DENND1A: variants seen among roughly 807,000 people sequenced by gnomAD.
DENND1A encodes the protein DENN domain containing 1A.
Under a neutral mutation model 113.7 loss-of-function variants are expected in DENND1A, and 51 were observed. That is an observed-to-expected ratio of 0.45 (90% CI 0.36 to 0.57). The LOEUF is 0.57. Ranked by LOEUF, DENND1A falls within the 20% of genes least tolerant of loss-of-function variation. The pLI is 0.00. For synonymous variants in DENND1A, 565 were observed against 570.8 expected, an observed-to-expected ratio of 0.99 and a Z score of 0.14; for missense variants, 1,258 against 1,395.9, an observed-to-expected ratio of 0.90 and a Z score of 1.57.
chr9:123,837,558 A>G (rs1841216188), intron 2 of DENND1A, among the ~76,000 whole-genome samples: 1 of 152,188 alleles, frequency 6.6e-6, no homozygotes, highest in Non-Finnish European at 1.5e-5. Context: ...GTATGAATAA[A>G]AACGTTATAC....
Position 123,666,151 on chromosome 9 carries a change from T to C in DENND1A, c.507+875A>G, listed in dbSNP as rs150409102. 4.6e-5 allele frequency among the ~76,000 whole-genome samples: 7 copies of C among 152,312 alleles called. No homozygotes were observed. The East Asian group carries it at 1.2e-3, about 25-fold the overall frequency. On this transcript the variant is annotated intron_variant, in intron 8 of 23. Transcript: ENST00000394215. ...ATTGACTGTACAAAATATGAATGCA[T>C]TCAAAACCACTGAGCTGTACACTTA...
intron 5 of DENND1A, among the ~76,000 whole-genome samples, chr9:123,740,899 TGAGAGAGAGAGAGAGAGAGA>T (rs56006420): frequency 3.7e-5 from 4 of 108,940 alleles, no homozygotes; most frequent in African/African-American, 7.4e-5. Flanking sequence ...GAAGGGAAAG[TGAGAGAGAGAGAGAGAGAGA>T]GAGAGAGAGA....
At chr9:123,733,130 C>T (rs556837669) in intron 5 of DENND1A, among the ~76,000 whole-genome samples, 11 of 151,950 alleles carry the variant, frequency 7.2e-5, no homozygotes, top group Admixed American at 1.3e-4. Context: ...TATAGGCACA[C>T]GCCACCACAC....
At chr9:123,472,927 C>T (rs946460277) in intron 13 of DENND1A, among the ~76,000 whole-genome samples, 20 of 152,108 alleles carry the variant, frequency 1.3e-4, no homozygotes, top group African/African-American at 4.6e-4. Context: ...GGAGGATTAA[C>T]CCAGGGCAAG....
chr9:123,584,522 T>C (rs957362817), intron 11 of DENND1A, among the ~76,000 whole-genome samples: 3 of 152,210 alleles, frequency 2.0e-5, no homozygotes, highest in African/African-American at 7.2e-5. Flanking sequence ...AGACATCCAA[T>C]GGCTGCTCAA....
At chr9:123,754,085 G>GT (rs932397511) in intron 5 of DENND1A, among the ~76,000 whole-genome samples, 1 of 152,208 alleles carries the variant, frequency 6.6e-6, no homozygotes, top group African/African-American at 2.4e-5. Context: ...AGTAGAGGTA[G>GT]TTTATGAGCA....
chr9:123,834,245 C>T (rs1259618593), intron 2 of DENND1A, among the ~76,000 whole-genome samples: 1 of 152,184 alleles, frequency 6.6e-6, no homozygotes, highest in African/African-American at 2.4e-5. Context: ...ATTTATTCAA[C>T]ACATAAGGGT....
At chr9:123,818,736 C>T (rs1224686848) in intron 2 of DENND1A, among the ~76,000 whole-genome samples, 1 of 152,044 alleles carries the variant, frequency 6.6e-6, no homozygotes, top group East Asian at 1.9e-4. Context: ...TGTGTGGAAT[C>T]GTCCATTTGT....
At chr9:123,479,913 A>G (rs1385648671) in intron 13 of DENND1A, among the ~76,000 whole-genome samples, 4 of 152,222 alleles carry the variant, frequency 2.6e-5, no homozygotes, top group African/African-American at 9.6e-5. Context: ...AGAAACTCAG[A>G]AAAGAGCTTT....
At chr9:123,597,146 C>T (rs1476811807) in intron 11 of DENND1A, among the ~76,000 whole-genome samples, 1 of 152,162 alleles carries the variant, frequency 6.6e-6, no homozygotes, top group Non-Finnish European at 1.5e-5. Flanking sequence ...CTAAGCACTG[C>T]AAAGCCCGAC....
intron 10 of DENND1A, among the ~76,000 whole-genome samples, chr9:123,613,708 A>C (rs2060517253): frequency 6.6e-6 from 1 of 152,238 alleles, no homozygotes; most frequent in Admixed American, 6.5e-5. Context: ...ATTAAATTAA[A>C]GTGGTGATAA....
chr9:123,554,639 T>C (rs2057319939), intron 13 of DENND1A, among the ~76,000 whole-genome samples: 1 of 152,216 alleles, frequency 6.6e-6, no homozygotes, highest in Non-Finnish European at 1.5e-5. Flanking sequence ...AAGAAAGCCA[T>C]TGTGGTTCAG....
chr9:123,453,409 G>A (rs1254080799), intron 16 of DENND1A, among the ~76,000 whole-genome samples: 1 of 152,190 alleles, frequency 6.6e-6, no homozygotes, highest in Non-Finnish European at 1.5e-5. Context: ...AGAAAGTGCA[G>A]AAGCTGAAAA....
chr9:123,637,123 T>C (rs915977681), intron 9 of DENND1A, among the ~76,000 whole-genome samples: 5 of 152,230 alleles, frequency 3.3e-5, no homozygotes, highest in Non-Finnish European at 7.3e-5. Context: ...ATTCTTTCCA[T>C]CCTAGAATTC....
intron 13 of DENND1A, among the ~76,000 whole-genome samples, chr9:123,526,171 G>GCACACA (rs61059551): frequency 1.1e-4 from 16 of 150,810 alleles, no homozygotes; most frequent in African/African-American, 3.2e-4. Context: ...CTGCACATGT[G>GCACACA]CACACACACA....
intron 18 of DENND1A, among the ~76,000 whole-genome samples, chr9:123,441,218 T>C (rs1443706386): frequency 6.6e-6 from 1 of 152,252 alleles, no homozygotes. Flanking sequence ...ACTTGTGAGC[T>C]GTATCATTTT....
intron 5 of DENND1A, among the ~76,000 whole-genome samples, chr9:123,697,153 A>T (rs1325468815): frequency 6.6e-6 from 1 of 152,202 alleles, no homozygotes; most frequent in Non-Finnish European, 1.5e-5. Context: ...TTTTAACAGG[A>T]GAAAAGGGAA....
At chr9:123,538,471 G>A (rs1188563555) in intron 13 of DENND1A, among the ~76,000 whole-genome samples, 1 of 151,966 alleles carries the variant, frequency 6.6e-6, no homozygotes, top group Non-Finnish European at 1.5e-5. Flanking sequence ...AGAAATGTCT[G>A]ATTCCAGGTT....
intron 3 of DENND1A, among the ~76,000 whole-genome samples, chr9:123,771,868 G>A: frequency 6.6e-6 from 1 of 151,874 alleles, no homozygotes; most frequent in East Asian, 1.9e-4. Flanking sequence ...CAATAGGATG[G>A]GGGGAGGGGA....
Sources: allele counts gnomAD v4.1 joint callset (sites outside exome capture counted in the v4.1 genomes callset), GRCh38; gene constraint gnomAD v4.1.1; transcripts MANE v1.5; gene names NCBI Gene and HGNC (gene_info 2026-07-23, HGNC 2026-07-21).